Variants in RBM27 observed in about 807,000 individuals in gnomAD.
RBM27 encodes RNA-binding protein 27.
Under a neutral mutation model 135.3 loss-of-function variants are expected in RBM27, and 22 were observed. The observed-to-expected ratio is 0.16, with a 90% CI of 0.12 to 0.23. The LOEUF (loss-of-function observed/expected upper bound fraction) is 0.23. Among genes scored for constraint, RBM27 ranks in the 10% least tolerant of loss-of-function variants. The pLI, the probability that RBM27 is intolerant of heterozygous loss-of-function variation, is 1.00. For synonymous variants in RBM27, 481 were observed against 442.4 expected (o/e 1.09, Z -1.10); for missense variants, 1,009 against 1,281.0 (o/e 0.79, Z 3.24).
At chr5:146,220,756 C>A (rs1756425885) in intron 2 of RBM27, among the ~76,000 whole-genome samples, 1 of 151,980 alleles carries the variant, frequency 6.6e-6, no homozygotes, top group Non-Finnish European at 1.5e-5. Context: ...AAAATTCCTC[C>A]CCAGTACAGA....
chr5:146,224,884 A>T (rs1481100306), intron 3 of RBM27, among the ~76,000 whole-genome samples: 2 of 151,996 alleles, frequency 1.3e-5, no homozygotes, highest in African/African-American at 4.8e-5. Context: ...TGCTCTCTTT[A>T]AATATCCATA....
intron 3 of RBM27, among the ~76,000 whole-genome samples, chr5:146,224,482 G>A (rs1756582798): frequency 6.6e-6 from 1 of 152,090 alleles, no homozygotes. Flanking sequence ...AGAAGTTTGA[G>A]ATCAGCCTGG....
At chr5:146,238,674 T>C (rs1396681182) in intron 8 of RBM27, among the ~76,000 whole-genome samples, 2 of 149,514 alleles carry the variant, frequency 1.3e-5, no homozygotes, top group African/African-American at 2.4e-5. Context: ...TTTTTTTTTT[T>C]ACAAGGCCTG....
rs199578137 is a variant in RBM27 at position 146,229,015 on chromosome 5, C to G, written c.373C>G (p.Arg125Gly). The G allele has an allele frequency of 1.2e-6, 2 of 1,613,522 alleles. No individual in the cohort carries two copies. Residue 125 changes from arginine to glycine, a missense_variant, in exon 4 of 21, where the codon CGT becomes GGT. Physicochemically the swap from Arg to Gly is moderately radical, Grantham distance 125. Coordinates refer to ENST00000265271, the MANE Select transcript of RBM27 (RefSeq NM_018989.2). The stretch of plus-strand genomic sequence containing the variant: ...GAAATATCCTAGTCCCCAGAAGACT[C>G]GTTCAGAATCTAGTGAACGAAGGTT... ...KKKYPSPQKT[R>G]SESSERRTRE...
chr5:146,266,302 CAACA>C (rs1214612328), intron 14 of RBM27, among the ~76,000 whole-genome samples: 12 of 152,136 alleles, frequency 7.9e-5, no homozygotes, highest in African/African-American at 2.9e-4. Flanking sequence ...CTGGTTTCTT[CAACA>C]AACAATTTGC....
At chr5:146,273,280 C>T (rs910422301) in intron 19 of RBM27, among the ~76,000 whole-genome samples, 21 of 152,136 alleles carry the variant, frequency 1.4e-4, no homozygotes, top group African/African-American at 4.3e-4. Context: ...TAAATTTTAA[C>T]CCAGAAGCCA....
intron 3 of RBM27, 79 bp from the exon 4 acceptor site, chr5:146,228,867 C>A: frequency 8.9e-7 from 1 of 1,127,800 alleles, no homozygotes; most frequent in Non-Finnish European, 1.3e-6. Context: ...CCCACCTGGA[C>A]CTCGTAAAAT....
intron 19 of RBM27, among the ~76,000 whole-genome samples, chr5:146,274,074 T>G (rs1423524710): frequency 6.6e-6 from 1 of 152,158 alleles, no homozygotes; most frequent in African/African-American, 2.4e-5. Flanking sequence ...AACCTCCACC[T>G]CCTGGGTTCA....
At chr5:146,260,005 A>AAAG in intron 11 of RBM27, among the ~76,000 whole-genome samples, 3 of 143,958 alleles carry the variant, frequency 2.1e-5, no homozygotes, top group African/African-American at 7.7e-5. Context: ...AAAAAAAAAA[A>AAAG]AAGAATAATG....
intron 17 of RBM27, among the ~76,000 whole-genome samples, chr5:146,270,009 AGT>A (rs970465475): frequency 1.3e-4 from 20 of 152,302 alleles, no homozygotes; most frequent in African/African-American, 4.3e-4. Flanking sequence ...ACACTATTAA[AGT>A]GATGGTGGTG....
intron 10 of RBM27, among the ~76,000 whole-genome samples, chr5:146,256,302 ATT>A (rs1758097638): frequency 6.8e-6 from 1 of 146,664 alleles, no homozygotes; most frequent in Non-Finnish European, 1.5e-5. Flanking sequence ...TTATATATAT[ATT>A]ATTTATATAT....
chr5:146,283,080 ATTAC>A (rs893385962), intron 19 of RBM27, among the ~76,000 whole-genome samples: 1 of 152,194 alleles, frequency 6.6e-6, no homozygotes, highest in African/African-American at 2.4e-5. Flanking sequence ...AAAAATCTTT[ATTAC>A]TTTTTCTGTT....
intron 1 of RBM27, among the ~76,000 whole-genome samples, chr5:146,208,233 C>T (rs1380348069): frequency 1.3e-5 from 2 of 152,272 alleles, no homozygotes; most frequent in African/African-American, 2.4e-5. Context: ...GGATTACAGG[C>T]GTGAGCCACT....
chr5:146,225,380 C>G (rs1250853192), intron 3 of RBM27, among the ~76,000 whole-genome samples: 2 of 152,092 alleles, frequency 1.3e-5, no homozygotes, highest in African/African-American at 2.4e-5. Context: ...GCTGATTGAC[C>G]TGATCCAACA....
chr5:146,250,330 A>G (rs928305012), intron 8 of RBM27, among the ~76,000 whole-genome samples: 5 of 150,540 alleles, frequency 3.3e-5, no homozygotes, highest in South Asian at 2.1e-4. Context: ...AGTCCCAGCT[A>G]CTCGGGAGGC....
rs906494532 is a variant in RBM27, at chr5:146,233,561, C to G, written c.962C>G (p.Pro321Arg). ...PSMIPFPPPP[P>R]GLPPPPPPGM... Reference sequence around the variant, plus strand: ...ATGATTCCTTTCCCACCCCCTCCTCCTGGGCTTCCTCCTCCACCACCTCCT... The same window carrying G: ...ATGATTCCTTTCCCACCCCCTCCTCGTGGGCTTCCTCCTCCACCACCTCCT... Residue 321 changes from proline (P) to arginine (R), a missense_variant, in exon 7 of 21, where the codon CCT (proline) becomes CGT (arginine). By Grantham distance (103) the Pro-to-Arg change is moderately radical (BLOSUM62 -2). Coordinates refer to ENST00000265271, the MANE Select transcript of RBM27 (RefSeq NM_018989.2). The G allele has an allele frequency of 3.7e-6, 6 of 1,613,318 alleles. No homozygotes were observed. The highest frequency in any genetic ancestry group is 5.1e-6 in the Non-Finnish European group (6 of 1,179,770).
At chr5:146,267,231 T>C (rs1448221034) in intron 14 of RBM27, among the ~76,000 whole-genome samples, 3 of 152,326 alleles carry the variant, frequency 2.0e-5, no homozygotes, top group Admixed American at 2.0e-4. Flanking sequence ...TCACTAAATC[T>C]TACCTGGAAT....
At chr5:146,240,294 ATCTGTCTGTCTG>A (rs59670617) in intron 8 of RBM27, among the ~76,000 whole-genome samples, 42 of 148,226 alleles carry the variant, frequency 2.8e-4, no homozygotes, top group African/African-American at 4.5e-4. Context: ...GCTGTTTTCT[ATCTGTCTGTCTG>A]TCTGTCTGTC....
chr5:146,230,969 A>G (rs1756904913), intron 6 of RBM27, 52 bp downstream of exon 6: 2 of 1,563,324 alleles, frequency 1.3e-6, no homozygotes, highest in Non-Finnish European at 1.8e-6. Context: ...TAGCAGAGCA[A>G]ATGTTGCATA....
Sources: allele counts gnomAD v4.1 joint callset (sites outside exome capture counted in the v4.1 genomes callset), GRCh38; gene constraint gnomAD v4.1.1; transcripts MANE v1.5; gene names NCBI Gene and HGNC (gene_info 2026-07-23, HGNC 2026-07-21).